Variants in NFYA observed in about 807,000 individuals in gnomAD.
The protein encoded by NFYA is nuclear transcription factor Y subunit alpha.
NFYA carries 28 observed loss-of-function variants against 52.8 expected under a neutral mutation model. The observed-to-expected ratio is 0.53, with a 90% confidence interval of 0.39 to 0.73. NFYA has a LOEUF of 0.73. Among genes scored for constraint, NFYA ranks in the 30% least tolerant of loss-of-function variants. NFYA has a pLI of 0.00. For synonymous variants in NFYA, 150 were observed against 150.7 expected, an observed-to-expected ratio of 1.00 and a Z score of 0.03; for missense variants, 234 against 427.0, an observed-to-expected ratio of 0.55 and a Z score of 3.98.
intron 9 of NFYA, 80 bp from the exon 10 acceptor site, chr6:41,097,277 T>TGGG (rs1436581445): frequency 7.7e-7 from 1 of 1,296,070 alleles, no homozygotes; most frequent in South Asian, 1.2e-5. Context: ...TGTATTCTCT[T>TGGG]GGGGGGATAA....
At chr6:41,085,927 G>A (rs890291786) in intron 4 of NFYA, among the ~76,000 whole-genome samples, 15 of 152,248 alleles carry the variant, frequency 9.9e-5, no homozygotes, top group Non-Finnish European at 2.2e-4. Flanking sequence ...ATTGGGGATT[G>A]CTTGGGTAAA....
intron 1 of NFYA, among the ~76,000 whole-genome samples, chr6:41,077,459 G>A (rs1488442310): frequency 1.3e-5 from 2 of 152,086 alleles, no homozygotes; most frequent in Non-Finnish European, 2.9e-5. Context: ...GATTACTGAT[G>A]TCTTTTGGAG....
Position 41,097,371 on chromosome 6 carries a change from C to T in NFYA, c.1005C>T (p.Ala335=), listed in dbSNP as rs377013862. ...TTTGTCTCTAGGATCCAAACCAAGC[C>T]GATGAAGAAGCAATGACACAGATCA... ...DSPHMQDPNQ[A]DEEAMTQIIR... Residue 335 remains alanine, a synonymous_variant, in exon 10 of 10, where the codon GCC becomes GCT. Transcript: ENST00000341376. The T allele has an allele frequency of 2.5e-5, 40 of 1,613,806 alleles. No homozygotes were observed. Among genetic ancestry groups the T allele is most frequent in the South Asian group, 6.6e-5 (6 of 91,078 alleles).
intron 5 of NFYA, 39 bp downstream of exon 5, chr6:41,089,749 T>C: frequency 6.3e-7 from 1 of 1,598,784 alleles, no homozygotes; most frequent in Non-Finnish European, 8.5e-7. Flanking sequence ...GCAAAACTGA[T>C]TTGGAAGAGT....
At position 41,093,073 on chromosome 6, in the gene NFYA, A is replaced by G. The variant is rs576540807; in HGVS notation, c.876A>G (p.Pro292=). The G allele has an allele frequency of 1.2e-6, 2 of 1,614,088 alleles. No homozygotes were observed. The highest frequency in any genetic ancestry group is 2.7e-5 in the African/African-American group (2 of 75,058). The part of the protein sequence containing the change: ...RAKLEAEGKI[P]KERRKYLHES... Reference sequence around the variant, plus strand: ...AACTAGAGGCAGAAGGGAAAATTCCAAAGGAGAGAAGGGTATGTATAACAT... The same window carrying G: ...AACTAGAGGCAGAAGGGAAAATTCCGAAGGAGAGAAGGGTATGTATAACAT... The change falls in exon 8 of 10, where the codon CCA becomes CCG. Residue 292 remains proline (P), a synonymous_variant. Coordinates refer to ENST00000341376, the MANE Select transcript of NFYA (RefSeq NM_002505.5).
chr6:41,084,822 C>T (rs148084770), intron 4 of NFYA, among the ~76,000 whole-genome samples: 1 of 152,118 alleles, frequency 6.6e-6, no homozygotes, highest in African/African-American at 2.4e-5. Flanking sequence ...ATTAGCCGGG[C>T]GTGGTGGCAC....
chr6:41,099,507 AAAT>A lies in NFYA; in HGVS notation c.*2099_*2101del. On this transcript the variant is annotated 3_prime_UTR_variant, in exon 10 of 10. Transcript: ENST00000341376. ...AGTTGTCATTTTGTCATTGCATTTC[AAAT>A]AGCTCATGACCCTTTTCTTGTGGTC... The A allele has an allele frequency of 6.6e-6, 1 of 152,366 alleles. No individual in the cohort carries two copies. The highest frequency in any genetic ancestry group is 1.9e-4 in the East Asian group (1 of 5,178). The allele number at this position is 152,366 out of a possible 1,614,324, so 9.4% of individuals were successfully genotyped here. A position where few individuals can be genotyped will look rare whatever the true frequency, so the allele number is the denominator to read the frequency against.
chr6:41,083,350 A>G (rs974891303), intron 3 of NFYA, among the ~76,000 whole-genome samples: 2 of 152,222 alleles, frequency 1.3e-5, no homozygotes, highest in East Asian at 1.9e-4. Context: ...CCATGTGGAT[A>G]TTATAGAGGC....
At chr6:41,081,709 A>G (rs889554335) in intron 3 of NFYA, among the ~76,000 whole-genome samples, 3 of 150,356 alleles carry the variant, frequency 2.0e-5, no homozygotes, top group African/African-American at 7.5e-5. Context: ...AATCTTGTTA[A>G]TCTCTTGTTA....
intron 9 of NFYA, among the ~76,000 whole-genome samples, chr6:41,095,915 C>G (rs555781898): frequency 6.6e-6 from 1 of 152,132 alleles, no homozygotes; most frequent in African/African-American, 2.4e-5. Context: ...GTTTAGTATC[C>G]AGTTCTGAAC....
chr6:41,074,867 C>T (rs1763690947), intron 1 of NFYA, among the ~76,000 whole-genome samples: 1 of 152,064 alleles, frequency 6.6e-6, no homozygotes, highest in East Asian at 1.9e-4. Context: ...GGAGACTTGT[C>T]CTAGGACTCT....
At chr6:41,073,834 C>CCA (rs1554133156) in intron 1 of NFYA, among the ~76,000 whole-genome samples, 1 of 152,220 alleles carries the variant, frequency 6.6e-6, no homozygotes, top group Non-Finnish European at 1.5e-5. Flanking sequence ...GGCGCCGTTA[C>CCA]CACCCCTTTT....
At chr6:41,088,073 C>T (rs1340241626) in intron 4 of NFYA, among the ~76,000 whole-genome samples, 1 of 152,138 alleles carries the variant, frequency 6.6e-6, no homozygotes, top group East Asian at 1.9e-4. Flanking sequence ...GTCACATTGC[C>T]TTAATTATCT....
At chr6:41,073,525 T>A (rs1012361855) in intron 1 of NFYA, among the ~76,000 whole-genome samples, 5 of 151,780 alleles carry the variant, frequency 3.3e-5, no homozygotes, top group African/African-American at 1.2e-4. Context: ...CTCTCCACTC[T>A]CCGGCCCTTG....
At chr6:41,073,989 T>C (rs1484708476) in intron 1 of NFYA, among the ~76,000 whole-genome samples, 3 of 151,560 alleles carry the variant, frequency 2.0e-5, no homozygotes, top group African/African-American at 7.3e-5. Flanking sequence ...TCTTAGAAGA[T>C]TGATACCCTT....
At position 41,099,912 on chromosome 6, in the gene NFYA, T is replaced by TGATC. The variant is rs1271005402; in HGVS notation, c.*2507_*2510dup. On this transcript the variant is annotated 3_prime_UTR_variant, in exon 10 of 10. Coordinates refer to ENST00000341376, the MANE Select transcript of NFYA (RefSeq NM_002505.5). Reference sequence around the variant, plus strand: ...CCCCAGCAGTATGGGGGCGTACAGGTGATCGATCATTAATGTCATTGCAAT... The same window carrying TGATC: ...CCCCAGCAGTATGGGGGCGTACAGGTGATCGATCGATCATTAATGTCATTGCAAT... The TGATC allele has an allele frequency of 6.6e-6, 1 of 152,094 alleles. No individual in the cohort carries two copies. The highest frequency in any genetic ancestry group is 1.5e-5 in the Non-Finnish European group (1 of 68,016). The allele number at this position is 152,094 out of a possible 1,614,324, so 9.4% of individuals were successfully genotyped here.
At position 41,089,626 on chromosome 6, in the gene NFYA, T is replaced by TGTGCAG. The variant is rs1764148696; in HGVS notation, c.365_370dup (p.Val122_Gln123dup). The TGTGCAG allele has an allele frequency of 6.2e-7, 1 of 1,612,690 alleles. No individual in the cohort carries two copies. Among genetic ancestry groups the TGTGCAG allele is most frequent in the Non-Finnish European group, 8.5e-7 (1 of 1,180,002 alleles). ...AGATCCAGATCCAGGGTGGACAGGC[T>TGTGCAG]GTGCAGGTGCAGGGCCAGCAGGGCC... On this transcript the variant is annotated inframe_insertion, in exon 5 of 10. Transcript: ENST00000341376.
At chr6:41,093,518 C>T (rs894541571) in intron 8 of NFYA, among the ~76,000 whole-genome samples, 6 of 151,686 alleles carry the variant, frequency 4.0e-5, no homozygotes, top group Non-Finnish European at 8.8e-5. Flanking sequence ...TCATCCAGGC[C>T]GGAGTGCAGT....
intron 9 of NFYA, 43 bp from the exon 10 acceptor site, chr6:41,097,314 C>G (rs1764387047): frequency 6.2e-7 from 1 of 1,602,248 alleles, no homozygotes; most frequent in South Asian, 1.1e-5. Context: ...GTTCCTGTTG[C>G]TTTTGCAAAG....
Sources: gnomAD v4.1 joint callset for allele counts (sites outside exome capture counted in the v4.1 genomes callset) on GRCh38, gnomAD v4.1.1 for gene constraint, MANE v1.5 for transcripts, NCBI Gene and HGNC (gene_info 2026-07-23, HGNC 2026-07-21) for gene names.